Variants in THSD7B observed in about 807,000 individuals in gnomAD.
The protein encoded by THSD7B is thrombospondin type-1 domain-containing protein 7B.
THSD7B carries 138 observed loss-of-function variants against 213.6 expected under a neutral mutation model. The observed-to-expected ratio is 0.65, with a 90% confidence interval of 0.56 to 0.74. THSD7B has a LOEUF of 0.74. THSD7B is among the 30% of genes least tolerant of loss of function. THSD7B has a pLI of 0.00. For missense variants in THSD7B, 1,931 were observed against 1,991.5 expected (o/e 0.97, Z 0.58); for synonymous variants, 742 against 687.0 (o/e 1.08, Z -1.25).
At chr2:137,253,064 A>G (rs1338500176) in intron 10 of THSD7B, among the ~76,000 whole-genome samples, 6 of 152,092 alleles carry the variant, frequency 3.9e-5, no homozygotes. Flanking sequence ...AACTGGGAGA[A>G]TGAGGTACTC....
In THSD7B at chr2:137,651,896, TC is replaced by T. The variant is rs1448984573; in HGVS notation, c.3946-3602del. Among the ~76,000 whole-genome samples the T allele has an allele frequency of 3.3e-5, 5 of 152,194 alleles. No individual in the cohort carries two copies. In the East Asian group the frequency reaches 9.6e-4, roughly 29 times the overall value. On this transcript the variant is annotated intron_variant, in intron 21 of 27. Transcript: ENST00000409968. ...TCTTGTTATTTATTTCTAACAGCAT[TC>T]CCTTGTGATCAGAAAACATACTTGA...
At chr2:137,333,754 A>G (rs563112757) in intron 12 of THSD7B, among the ~76,000 whole-genome samples, 50 of 152,212 alleles carry the variant, frequency 3.3e-4, no homozygotes, top group African/African-American at 1.1e-3. Context: ...ACTTTATATA[A>G]CTGCTTAGAA....
chr2:137,173,864 C>T (rs977611233), intron 7 of THSD7B, among the ~76,000 whole-genome samples: 6 of 152,142 alleles, frequency 3.9e-5, no homozygotes, highest in Non-Finnish European at 8.8e-5. Flanking sequence ...TCCATAACTA[C>T]AGGAGTTGAC....
chr2:136,817,627 C>A (rs567839243), intron 1 of THSD7B, among the ~76,000 whole-genome samples: 1 of 151,704 alleles, frequency 6.6e-6, no homozygotes, highest in African/African-American at 2.4e-5. Flanking sequence ...GGAATCCTTT[C>A]CCCATTGCTT....
chr2:137,625,475 TA>T (rs903341426), intron 20 of THSD7B, among the ~76,000 whole-genome samples: 43 of 148,072 alleles, frequency 2.9e-4, no homozygotes, highest in Middle Eastern at 3.4e-3. Context: ...GAAGTATAAT[TA>T]AAAAAAAAAA....
chr2:137,636,716 A>G (rs776696157), intron 20 of THSD7B, among the ~76,000 whole-genome samples: 1 of 152,208 alleles, frequency 6.6e-6, no homozygotes, highest in Non-Finnish European at 1.5e-5. Context: ...CAGAAAATTT[A>G]TGCTCAGAAG....
intron 10 of THSD7B, among the ~76,000 whole-genome samples, chr2:137,247,625 G>A (rs903543111): frequency 6.6e-6 from 1 of 152,120 alleles, no homozygotes; most frequent in African/African-American, 2.4e-5. Flanking sequence ...CATCTCTAAG[G>A]AGTGAGCTAG....
chr2:137,657,118 C>G lies in THSD7B; in HGVS notation c.4333C>G (p.Arg1445Gly). 1.2e-6 allele frequency: 2 copies of G among 1,613,954 alleles called. No homozygotes were observed. Among genetic ancestry groups the G allele is most frequent in the Non-Finnish European group, 1.7e-6 (2 of 1,179,890 alleles). ...AGCAAGTCTTTGGAACAATAACGAA[C>G]GAACTGTATGGTGCCAGCGTTCAGA... ...WKASLWNNNE[R>G]TVWCQRSDGV... Residue 1445 changes from arginine (R) to glycine (G), a missense_variant, in exon 24 of 28, where the codon CGA becomes GGA. Physicochemically the swap from Arg to Gly is moderately radical, Grantham distance 125. Transcript: ENST00000409968.
At position 137,199,356 on chromosome 2, in the gene THSD7B, A is replaced by C. The variant is rs372021187; in HGVS notation, c.1723+28418A>C. ...TACTTTAAAAATGTTTATATAAAAT[A>C]AAAAGTAAGTCCCCTTCTCAAAACC... On this transcript the variant is annotated intron_variant, in intron 7 of 27. Transcript: ENST00000409968. Among the ~76,000 whole-genome samples, 27 of 152,312 alleles carry C rather than the reference A, an allele frequency of 1.8e-4. No homozygotes were observed. The East Asian group carries it at 5.2e-3, about 29-fold the overall frequency.
At chr2:137,119,657 T>A (rs969313737) in intron 5 of THSD7B, among the ~76,000 whole-genome samples, 2 of 152,144 alleles carry the variant, frequency 1.3e-5, no homozygotes, top group Non-Finnish European at 2.9e-5. Context: ...TATGCTATTC[T>A]GGAGTAAGAC....
At chr2:136,879,423 C>T (rs1050831365) in intron 1 of THSD7B, among the ~76,000 whole-genome samples, 7 of 152,064 alleles carry the variant, frequency 4.6e-5, no homozygotes, top group Admixed American at 3.9e-4. Context: ...TCCACATGAA[C>T]GTTAAAGTAG....
intron 20 of THSD7B, 148 bp from the exon 21 acceptor site, chr2:137,642,340 A>G (rs1682954784): frequency 1.0e-6 from 1 of 962,904 alleles, no homozygotes; most frequent in Non-Finnish European, 1.5e-6. Flanking sequence ...GGAACTCTAA[A>G]TGAAAATGAC....
chr2:137,070,482 G>T (rs1687459835), intron 3 of THSD7B, among the ~76,000 whole-genome samples: 1 of 151,804 alleles, frequency 6.6e-6, no homozygotes, highest in African/African-American at 2.4e-5. Context: ...AAATGTGATT[G>T]TTGGATAACA....
chr2:137,343,522 T>G (rs1440017738), intron 12 of THSD7B, among the ~76,000 whole-genome samples: 1 of 151,556 alleles, frequency 6.6e-6, no homozygotes, highest in Admixed American at 6.6e-5. Context: ...CTGAACAGGG[T>G]TTTTCAACAT....
intron 27 of THSD7B, 59 bp downstream of exon 27, chr2:137,667,920 T>G: frequency 7.3e-7 from 1 of 1,367,102 alleles, no homozygotes; most frequent in Non-Finnish European, 1.0e-6. Flanking sequence ...CATGTTATAC[T>G]TAAAACAAGT....
intron 27 of THSD7B, among the ~76,000 whole-genome samples, chr2:137,673,786 A>G (rs1683633512): frequency 6.6e-6 from 1 of 152,152 alleles, no homozygotes; most frequent in Non-Finnish European, 1.5e-5. Flanking sequence ...AGAGATTAAT[A>G]TTTGAGAGGA....
At chr2:137,148,388 C>T (rs1679749545) in intron 5 of THSD7B, among the ~76,000 whole-genome samples, 1 of 152,082 alleles carries the variant, frequency 6.6e-6, no homozygotes, top group South Asian at 2.1e-4. Context: ...ACTGGTACTG[C>T]AGAGAGTGGG....
chr2:137,417,263 T>C (rs1367785093), intron 14 of THSD7B, among the ~76,000 whole-genome samples: 1 of 152,192 alleles, frequency 6.6e-6, no homozygotes, highest in African/African-American at 2.4e-5. Context: ...TGTGTATGTA[T>C]TGAATTTTAA....
intron 4 of THSD7B, among the ~76,000 whole-genome samples, chr2:137,105,619 C>G (rs967327917): frequency 4.6e-5 from 7 of 152,184 alleles, no homozygotes; most frequent in Non-Finnish European, 1.5e-5. Context: ...CAAATTGTCT[C>G]TGTTTGCAGA....
Sources: gnomAD v4.1 joint callset for allele counts (sites outside exome capture counted in the v4.1 genomes callset) on GRCh38, gnomAD v4.1.1 for gene constraint, MANE v1.5 for transcripts, NCBI Gene and HGNC (gene_info 2026-07-23, HGNC 2026-07-21) for gene names.